Variants in ANGPT2 observed in about 807,000 individuals in gnomAD.
ANGPT2 encodes angiopoietin 2, also known as angiopoietin-2.
In ANGPT2, 28 loss-of-function variants were observed where a neutral mutation model predicts 62.9. The observed-to-expected ratio is 0.44, with a 90% CI of 0.33 to 0.61. ANGPT2 has a LOEUF of 0.61. ANGPT2 is among the 20% of genes least tolerant of loss of function. The pLI, the probability that ANGPT2 is intolerant of heterozygous loss-of-function variation, is 0.03. For missense variants in ANGPT2, 727 were observed against 594.9 expected (o/e 1.22, Z -2.31); for synonymous variants, 284 against 207.8 (o/e 1.37, Z -3.15).
chr8:6,542,182 T>A (rs1195578075), intron 1 of ANGPT2, among the ~76,000 whole-genome samples: 2 of 151,952 alleles, frequency 1.3e-5, no homozygotes, highest in Non-Finnish European at 2.9e-5. Context: ...AAAGAAAAAA[T>A]AATAATAATG....
chr8:6,513,903 A>G, intron 6 of ANGPT2, 59 bp from the exon 7 acceptor site: 1 of 1,473,858 alleles, frequency 6.8e-7, no homozygotes, highest in Non-Finnish European at 9.3e-7. Flanking sequence ...GTATATTTGA[A>G]GTGGATAGTC....
intron 1 of ANGPT2, among the ~76,000 whole-genome samples, chr8:6,535,949 G>C (rs981963296): frequency 2.0e-5 from 3 of 152,008 alleles, no homozygotes; most frequent in African/African-American, 7.2e-5. Context: ...CTCAGGTACT[G>C]GGGAGGCTGA....
At chr8:6,532,956 C>G (rs762172390) in intron 1 of ANGPT2, among the ~76,000 whole-genome samples, 2 of 152,242 alleles carry the variant, frequency 1.3e-5, no homozygotes, top group Non-Finnish European at 2.9e-5. Flanking sequence ...TGAGAAGACA[C>G]TCTAAGACAG....
At chr8:6,522,108 C>G (rs1045609953) in intron 3 of ANGPT2, among the ~76,000 whole-genome samples, 5 of 152,220 alleles carry the variant, frequency 3.3e-5, no homozygotes, top group Non-Finnish European at 7.3e-5. Flanking sequence ...GTAATCCCAG[C>G]ACTTTGGGAG....
chr8:6,499,860 G>T lies in ANGPT2; in HGVS notation c.*3241C>A, dbSNP rs201599657. 1 of 1,613,020 alleles carries T rather than the reference G, an allele frequency of 6.2e-7. No homozygotes were observed. The highest frequency in any genetic ancestry group is 1.3e-5 in the African/African-American group (1 of 74,876). The stretch of plus-strand genomic sequence containing the variant: ...TGTTGTGTCACTTGCAGGTGCTATG[G>T]TCTTTAGAATTGGGTCACTGGATTT... On this transcript the variant is annotated 3_prime_UTR_variant, in exon 9 of 9. Coordinates refer to ENST00000629816, the MANE Select transcript of ANGPT2 (RefSeq NM_001118887.2).
intron 1 of ANGPT2, among the ~76,000 whole-genome samples, chr8:6,555,253 C>T (rs1824386706): frequency 6.6e-6 from 1 of 152,106 alleles, no homozygotes; most frequent in Non-Finnish European, 1.5e-5. Context: ...AAACCGTTTT[C>T]AAACTCTAAT....
intron 1 of ANGPT2, 69 bp downstream of exon 1, chr8:6,562,578 T>TTTTTA: frequency 1.1e-6 from 1 of 880,188 alleles, no homozygotes; most frequent in South Asian, 4.3e-5. Context: ...TTTTGGTTGT[T>TTTTTA]AAAACCTGAG....
chr8:6,518,332 T>C (rs1209743995), intron 5 of ANGPT2, among the ~76,000 whole-genome samples: 1 of 152,184 alleles, frequency 6.6e-6, no homozygotes, highest in African/African-American at 2.4e-5. Flanking sequence ...GCAAAAGAGA[T>C]TGAAAGGCTT....
chr8:6,535,565 A>C lies in ANGPT2; in HGVS notation c.289-3078T>G, dbSNP rs560720323. Reference sequence around the variant, plus strand: ...GATTACAAATACACATGATGTGTGTATATACAGATAGGTATATAGCATATA... The same window carrying C: ...GATTACAAATACACATGATGTGTGTCTATACAGATAGGTATATAGCATATA... On this transcript the variant is annotated intron_variant, in intron 1 of 8. Transcript: ENST00000629816. 7.2e-5 allele frequency among the ~76,000 whole-genome samples: 11 copies of C among 152,336 alleles called. No homozygotes were observed. The East Asian group carries it at 2.1e-3, about 29-fold the overall frequency.
intron 1 of ANGPT2, among the ~76,000 whole-genome samples, chr8:6,549,693 C>T (rs1823273230): frequency 6.6e-6 from 1 of 150,376 alleles, no homozygotes; most frequent in Non-Finnish European, 1.5e-5. Context: ...CCGTATCGAG[C>T]TGGGCGGTCA....
At chr8:6,552,295 T>C (rs1275289854) in intron 1 of ANGPT2, among the ~76,000 whole-genome samples, 1 of 152,170 alleles carries the variant, frequency 6.6e-6, no homozygotes, top group Non-Finnish European at 1.5e-5. Context: ...CATATGACGA[T>C]GGAATGTGGC....
intron 3 of ANGPT2, among the ~76,000 whole-genome samples, chr8:6,523,936 T>C (rs1817855442): frequency 6.6e-6 from 1 of 151,654 alleles, no homozygotes; most frequent in Non-Finnish European, 1.5e-5. Context: ...TTGGATAGCC[T>C]GACACTACAT....
In ANGPT2 at chr8:6,503,131, T is replaced by A. The variant is rs1453916707; in HGVS notation, c.1458A>T (p.Thr486=). Residue 486 remains threonine, a synonymous_variant, in exon 9 of 9, where the codon ACA becomes ACT. Coordinates refer to ENST00000629816, the MANE Select transcript of ANGPT2 (RefSeq NM_001118887.2). ...AATCTGCTGGTCGGATCATCATGGTTGTGGCCTTGAGCGAATAGCCTGAGC... is the reference window on the plus strand; with the variant it reads ...AATCTGCTGGTCGGATCATCATGGTAGTGGCCTTGAGCGAATAGCCTGAGC... ...WKGSGYSLKA[T]TMMIRPADF The A allele has an allele frequency of 2.5e-6, 4 of 1,614,210 alleles. No individual in the cohort carries two copies. Among genetic ancestry groups the A allele is most frequent in the Non-Finnish European group, 3.4e-6 (4 of 1,180,042 alleles).
chr8:6,526,509 T>C (rs1301758158), intron 3 of ANGPT2, among the ~76,000 whole-genome samples: 1 of 152,180 alleles, frequency 6.6e-6, no homozygotes, highest in Non-Finnish European at 1.5e-5. Flanking sequence ...AATGTTCATT[T>C]ACTGTTTGTA....
At chr8:6,553,198 C>A (rs774515388) in intron 1 of ANGPT2, among the ~76,000 whole-genome samples, 1 of 151,958 alleles carries the variant, frequency 6.6e-6, no homozygotes, top group Non-Finnish European at 1.5e-5. Flanking sequence ...GTGTGTGCCA[C>A]GGAGGGGGGA....
intron 1 of ANGPT2, among the ~76,000 whole-genome samples, chr8:6,555,991 A>G (rs1173997923): frequency 6.6e-6 from 1 of 152,062 alleles, no homozygotes; most frequent in African/African-American, 2.4e-5. Context: ...CAGCAATCGG[A>G]ATCTGTCAAG....
At chr8:6,511,090 T>TTAGTTC (rs1182928994) in intron 7 of ANGPT2, among the ~76,000 whole-genome samples, 3 of 152,250 alleles carry the variant, frequency 2.0e-5, no homozygotes, top group Admixed American at 2.0e-4. Context: ...TTGAACATGT[T>TTAGTTC]TAGTTCTCAT....
chr8:6,544,814 T>G (rs1474149484), intron 1 of ANGPT2, among the ~76,000 whole-genome samples: 1 of 152,218 alleles, frequency 6.6e-6, no homozygotes, highest in Non-Finnish European at 1.5e-5. Flanking sequence ...TAACATCTGC[T>G]GAACTGTCGA....
chr8:6,532,301 G>A (rs776935792), intron 2 of ANGPT2, 31 bp downstream of exon 2: 3 of 1,613,652 alleles, frequency 1.9e-6, no homozygotes, highest in Non-Finnish European at 2.5e-6. Context: ...TAGCTGCAGG[G>A]ACACCGTGTG....
Sources: allele counts gnomAD v4.1 joint callset (sites outside exome capture counted in the v4.1 genomes callset), GRCh38; gene constraint gnomAD v4.1.1; transcripts MANE v1.5; gene names NCBI Gene and HGNC (gene_info 2026-07-23, HGNC 2026-07-21).